The following DCC variants were observed in gnomAD, a reference collection of about 807,000 sequenced individuals.
The protein encoded by DCC is DCC netrin 1 receptor.
DCC carries 58 observed loss-of-function variants against 172.5 expected under a neutral mutation model. The ratio of observed to expected loss-of-function variants is 0.34; its 90% CI spans 0.27 to 0.42. The LOEUF is 0.42. DCC is among the 10% of genes least tolerant of loss of function. The pLI is 1.00. For missense variants in DCC, 1,740 were observed against 1,791.0 expected, an observed-to-expected ratio of 0.97 and a Z score of 0.51; for synonymous variants, 709 against 644.5, an observed-to-expected ratio of 1.10 and a Z score of -1.52.
rs537728756 is a variant in DCC, at chr18:52,378,868, A to T, written c.91+37990A>T. On this transcript the variant is annotated intron_variant, in intron 1 of 28. Coordinates refer to ENST00000442544, the MANE Select transcript of DCC (RefSeq NM_005215.4). ...TGGCTTAAATATATATACTATTTTA[A>T]TATTATCATGTTACAGTATGATTAT... Among the ~76,000 whole-genome samples, 126 of 152,210 alleles carry T rather than the reference A, an allele frequency of 8.3e-4. 2 individuals are homozygous for T. The South Asian group carries it at 0.026, about 32-fold the overall frequency.
chr18:52,967,822 C>T (rs1366735989), intron 5 of DCC, among the ~76,000 whole-genome samples: 3 of 151,980 alleles, frequency 2.0e-5, no homozygotes, highest in South Asian at 2.1e-4. Flanking sequence ...AATACAGGGA[C>T]AGGATTTTTT....
At chr18:52,916,040 A>C (rs116903102) in intron 3 of DCC, among the ~76,000 whole-genome samples, 218 of 152,246 alleles carry the variant, frequency 1.4e-3, no homozygotes, top group Non-Finnish European at 2.6e-3. Context: ...ATGTCCATGA[A>C]AAAGCAGTGA....
intron 1 of DCC, among the ~76,000 whole-genome samples, chr18:52,424,546 G>A (rs1167281366): frequency 6.6e-6 from 1 of 152,156 alleles, no homozygotes; most frequent in Non-Finnish European, 1.5e-5. Context: ...AATATTTCCT[G>A]AGTTAAATTA....
At chr18:52,610,851 TAA>T (rs67585597) in intron 1 of DCC, among the ~76,000 whole-genome samples, 9 of 152,050 alleles carry the variant, frequency 5.9e-5, no homozygotes, top group African/African-American at 2.2e-4. Context: ...TTTACAAATG[TAA>T]AAAAACATTA....
intron 12 of DCC, among the ~76,000 whole-genome samples, chr18:53,299,257 C>T (rs1401338710): frequency 2.0e-5 from 3 of 152,194 alleles, no homozygotes; most frequent in East Asian, 3.8e-4. Context: ...TCCTAAATAA[C>T]TTAGCCAAAT....
In DCC at chr18:53,437,362, C is replaced by T. The variant is rs945142970; in HGVS notation, c.3229+2153C>T. ...TTGGGAGGCCGAGGCGGGCAGATCA[C>T]GAGGTCAGGAAATCGAGACCATCCT... On this transcript the variant is annotated intron_variant, in intron 22 of 28. Transcript: ENST00000442544. Among the ~76,000 whole-genome samples the T allele has an allele frequency of 3.9e-5, 6 of 151,946 alleles. No homozygotes were observed. The South Asian group carries it at 6.2e-4, about 16-fold the overall frequency.
chr18:53,394,851 T>A (rs1476594274), intron 17 of DCC, among the ~76,000 whole-genome samples: 1 of 152,064 alleles, frequency 6.6e-6, no homozygotes, highest in African/African-American at 2.4e-5. Context: ...ACAAGAAAAC[T>A]AAGGCTCAGG....
At chr18:53,367,204 T>G (rs2058015308) in intron 15 of DCC, among the ~76,000 whole-genome samples, 1 of 152,192 alleles carries the variant, frequency 6.6e-6, no homozygotes, top group African/African-American at 2.4e-5. Flanking sequence ...CCCACTTAAT[T>G]ATTTTTATTT....
At chr18:53,480,366 C>T (rs2045817567) in intron 25 of DCC, among the ~76,000 whole-genome samples, 1 of 152,134 alleles carries the variant, frequency 6.6e-6, no homozygotes, top group African/African-American at 2.4e-5. Context: ...AGATAGACTT[C>T]AATAAATGCC....
rs1489224102 is a variant in DCC, at chr18:53,252,262, A to T, written c.1911+36665A>T. On this transcript the variant is annotated intron_variant, in intron 12 of 28. Transcript: ENST00000442544. ...TTGCATGTGCTCATTTACATACTGC[A>T]TAGGATTTTAGACGATCTACAATAC... 4.0e-5 allele frequency among the ~76,000 whole-genome samples: 6 copies of T among 151,886 alleles called. No homozygotes were observed. The East Asian group carries it at 9.7e-4, about 24-fold the overall frequency.
intron 15 of DCC, among the ~76,000 whole-genome samples, chr18:53,374,810 A>C (rs2058093295): frequency 6.6e-6 from 1 of 152,204 alleles, no homozygotes; most frequent in Admixed American, 6.5e-5. Flanking sequence ...TGTTAGGAGA[A>C]AATTAAATGT....
chr18:52,413,651 G>T (rs1986917323), intron 1 of DCC, among the ~76,000 whole-genome samples: 2 of 152,000 alleles, frequency 1.3e-5, no homozygotes, highest in Admixed American at 1.3e-4. Flanking sequence ...TGTATTCTAA[G>T]AAAATTAGTA....
At position 53,499,284 on chromosome 18, in the gene DCC, T is replaced by C. The variant is rs2046066050; in HGVS notation, c.3899-14T>C. On this transcript the variant is annotated splice_polypyrimidine_tract_variant and intron_variant, in intron 26 of 28. Coordinates refer to ENST00000442544, the MANE Select transcript of DCC (RefSeq NM_005215.4). ...TCCAGGAATAATGAATGACTTTTCT[T>C]GTCTCCACTGCAGCAGTGAGTGAAG... The C allele has an allele frequency of 6.2e-7, 1 of 1,613,678 alleles. No individual in the cohort carries two copies. The highest frequency in any genetic ancestry group is 1.7e-5 in the Admixed American group (1 of 59,952).
rs1192268432 is a variant in DCC, at chr18:52,996,255, A to G, written c.986-67050A>G. Among the ~76,000 whole-genome samples the G allele has an allele frequency of 3.3e-5, 5 of 151,734 alleles. No homozygotes were observed. The South Asian group carries it at 1.0e-3, about 31-fold the overall frequency. On this transcript the variant is annotated intron_variant, in intron 5 of 28. Transcript: ENST00000442544. ...GAAGTTTTATTTTATATAATTATAT[A>G]TTTTTCTCTAATTATATTCTAATTA... is the stretch of plus-strand genomic sequence containing the variant.
chr18:52,459,484 T>TTTCTTTCTTTC (rs1196934859), intron 1 of DCC, among the ~76,000 whole-genome samples: 4 of 136,994 alleles, frequency 2.9e-5, no homozygotes, highest in Non-Finnish European at 6.6e-5. Context: ...TTCTTTCTTT[T>TTTCTTTCTTTC]TGAAACAGAG....
chr18:52,438,635 T>A (rs556039229), intron 1 of DCC, among the ~76,000 whole-genome samples: 1 of 152,348 alleles, frequency 6.6e-6, no homozygotes, highest in African/African-American at 2.4e-5. Context: ...CAATTCTTTA[T>A]ATAGCTTGAG....
chr18:52,833,539 C>A (rs913368817), intron 2 of DCC, among the ~76,000 whole-genome samples: 2 of 152,070 alleles, frequency 1.3e-5, no homozygotes, highest in Non-Finnish European at 2.9e-5. Context: ...AATCCCATCC[C>A]AGAGTCTCAG....
chr18:53,244,567 A>G (rs1254347499), intron 12 of DCC, among the ~76,000 whole-genome samples: 1 of 152,142 alleles, frequency 6.6e-6, no homozygotes, highest in East Asian at 1.9e-4. Context: ...ACTGAAGAAT[A>G]CAAGATGACT....
chr18:52,761,919 A>AG (rs1282057856), intron 2 of DCC, among the ~76,000 whole-genome samples: 2 of 139,812 alleles, frequency 1.4e-5, no homozygotes, highest in African/African-American at 5.4e-5. Flanking sequence ...AAAAAAAAAA[A>AG]AAAAAAGAAA....
Sources: gnomAD v4.1 joint callset for allele counts (sites outside exome capture counted in the v4.1 genomes callset) on GRCh38, gnomAD v4.1.1 for gene constraint, MANE v1.5 for transcripts, NCBI Gene and HGNC (gene_info 2026-07-23, HGNC 2026-07-21) for gene names.